Variants in ARR3 observed in about 807,000 individuals in gnomAD.
ARR3 encodes arrestin-C.
In ARR3, 14 loss-of-function variants were observed where a neutral mutation model predicts 35.4. The observed-to-expected ratio is 0.40, with a 90% confidence interval of 0.26 to 0.62. The LOEUF (loss-of-function observed/expected upper bound fraction) is 0.62. ARR3 is among the 20% of genes least tolerant of loss of function. ARR3 has a pLI of 0.46. For synonymous variants in ARR3, 97 were observed against 119.1 expected, an observed-to-expected ratio of 0.81 and a Z score of 1.21; for missense variants, 259 against 303.8, an observed-to-expected ratio of 0.85 and a Z score of 1.10.
At position 70,272,808 on chromosome X, in the gene ARR3, T is replaced by C. The variant is rs74834560; in HGVS notation, c.145+2664T>C. 3.5e-4 allele frequency among the ~76,000 whole-genome samples: 40 copies of C among 112,745 alleles called. No individual in the cohort carries two copies. The East Asian group carries it at 0.011, about 30-fold the overall frequency. ...ATATCTTTTGAATATAGGTTCATTT[T>C]TCTCATTCTCAATTTTAAAAGCAAA... On this transcript the variant is annotated intron_variant, in intron 5 of 16. Transcript: ENST00000307959.
intron 5 of ARR3, among the ~76,000 whole-genome samples, chrX:70,275,739 G>A (rs868669252): frequency 3.3e-5 from 3 of 91,394 alleles, no homozygotes; most frequent in Non-Finnish European, 6.2e-5. Context: ...ACACGATCTC[G>A]GCTCACTGCA....
intron 12 of ARR3, among the ~76,000 whole-genome samples, chrX:70,279,655 G>A (rs980418871): frequency 3.6e-5 from 4 of 112,590 alleles, no homozygotes; most frequent in African/African-American, 6.5e-5. Context: ...GTTAGTACAC[G>A]TGGTTCAGAG....
At chrX:70,269,745 G>C in intron 3 of ARR3, 53 bp downstream of exon 3, 1 of 1,194,648 alleles carries the variant, frequency 8.4e-7, no homozygotes, top group East Asian at 3.0e-5. Flanking sequence ...GGATAGGTGG[G>C]TACATCCTTC....
At chrX:70,268,582 C>A (rs1324866400) in intron 1 of ARR3, among the ~76,000 whole-genome samples, 2 of 111,700 alleles carry the variant, frequency 1.8e-5, no homozygotes, top group East Asian at 2.8e-4. Flanking sequence ...AAGGAAAGCA[C>A]TAGAGAGACA....
intron 1 of ARR3, among the ~76,000 whole-genome samples, 193 bp from the exon 2 acceptor site, chrX:70,269,163 C>T (rs72628866): frequency 0.027 from 2,960 of 111,188 alleles, 28 homozygotes; most frequent in East Asian, 0.054. Flanking sequence ...TCCCCTCTTG[C>T]CCAAGATGGG....
At chrX:70,270,244 C>A in intron 5 of ARR3, 100 bp downstream of exon 5, 1 of 909,330 alleles carries the variant, frequency 1.1e-6, no homozygotes, top group Non-Finnish European at 1.6e-6. Flanking sequence ...GCAGGAACTG[C>A]GAATGCCTTC....
chrX:70,277,468 C>A lies in ARR3; in HGVS notation c.548C>A (p.Thr183Asn). 8.3e-7 allele frequency: 1 copy of A among 1,211,501 alleles called. No individual in the cohort carries two copies. The highest frequency in any genetic ancestry group is 1.1e-6 in the Non-Finnish European group (1 of 895,358). The change falls in exon 9 of 17, where the codon ACC (threonine) becomes AAC (asparagine). Residue 183 changes from threonine to asparagine, a missense_variant. Thr to Asn is a moderately conservative substitution (Grantham distance 65). Coordinates refer to ENST00000307959, the MANE Select transcript of ARR3 (RefSeq NM_004312.3). ...PEAGPGPSAQTIRRFLLSAQP... is the reference protein window; with the variant it reads ...PEAGPGPSAQNIRRFLLSAQP... ...GCAGGCCCTGGCCCCTCAGCCCAGA[C>A]CATCCGCCGCTTCCTTCTGTCAGCT...
chrX:70,281,075 C>T (rs756139602), intron 15 of ARR3, 24 bp from the exon 16 acceptor site: 11 of 1,208,785 alleles, frequency 9.1e-6, no homozygotes, highest in Non-Finnish European at 1.2e-5. Flanking sequence ...CCATTTTTTC[C>T]CTCCGTCTCC....
chrX:70,275,980 C>A, intron 5 of ARR3, 102 bp from the exon 6 acceptor site: 1 of 963,473 alleles, frequency 1.0e-6, no homozygotes, highest in Non-Finnish European at 1.4e-6. Flanking sequence ...CCCAGCCAGC[C>A]TTCGATCATA....
intron 11 of ARR3, 116 bp from the exon 12 acceptor site, chrX:70,278,388 C>T (rs1469174239): frequency 1.1e-6 from 1 of 930,225 alleles, no homozygotes; most frequent in Non-Finnish European, 1.5e-6. Flanking sequence ...AACATGTTAC[C>T]TCTCTTGGAT....
chrX:70,278,280 G>T (rs1337765075), intron 11 of ARR3, 142 bp downstream of exon 11: 3 of 673,898 alleles, frequency 4.5e-6, no homozygotes, highest in Non-Finnish European at 6.7e-6. Flanking sequence ...CTAGATGGAG[G>T]GGATGCAACT....
Position 70,276,651 on chromosome X carries a change from G to A in ARR3, c.406-18G>A, listed in dbSNP as rs1367148298. On this transcript the variant is annotated intron_variant, in intron 7 of 16. Transcript: ENST00000307959. ...ACAGCACTGGAAATGAGCTCTCTTT[G>A]CCCTTGTCCCTTTACAGCCCTGTGG... 3 of 1,209,679 alleles carry A rather than the reference G, an allele frequency of 2.5e-6. No homozygotes were observed. The Admixed American group carries it at 6.5e-5, about 26-fold the overall frequency.
In ARR3 at chrX:70,277,544, C is replaced by T. The variant is rs759496796; in HGVS notation, c.609+15C>T. ...TGGACAGGGAGGTTTGTGACCCCCA[C>T]TTTTTGCCTCCCACCCCAGAACCCC... On this transcript the variant is annotated intron_variant, in intron 9 of 16. Coordinates refer to ENST00000307959, the MANE Select transcript of ARR3 (RefSeq NM_004312.3). The T allele has an allele frequency of 6.6e-6, 8 of 1,203,857 alleles. No homozygotes were observed. The Middle Eastern group carries it at 9.3e-4, about 140-fold the overall frequency.
intron 9 of ARR3, 91 bp from the exon 10 acceptor site, chrX:70,277,625 G>A (rs2085659282): frequency 8.5e-7 from 1 of 1,170,346 alleles, no homozygotes; most frequent in Non-Finnish European, 1.2e-6. Context: ...TGGGAGCCAG[G>A]GTGGCAATAG....
chrX:70,273,468 C>T lies in ARR3; in HGVS notation c.146-2614C>T, dbSNP rs766982176. Among the ~76,000 whole-genome samples the T allele has an allele frequency of 2.8e-3, 313 of 111,403 alleles. 1 individual carries two copies. The highest frequency in any genetic ancestry group is 9.8e-3 in the African/African-American group (299 of 30,630). ...AACTCCTGACCTCAGCCTATCCACC[C>T]GCCTGGGCCTCCCAAAGTGCTGGGA... On this transcript the variant is annotated intron_variant, in intron 5 of 16. Transcript: ENST00000307959.
rs376167719 is a variant in ARR3, at chrX:70,277,775, G to A, written c.669G>A (p.Lys223=). 1.7e-6 allele frequency: 2 copies of A among 1,207,589 alleles called. No individual in the cohort carries two copies. Among genetic ancestry groups the A allele is most frequent in the African/African-American group, 3.5e-5 (2 of 56,956 alleles). Reference sequence around the variant, plus strand: ...TTTCTATCAACAACTGCACCAACAAGGTCATCAAAAAAATCAAGATTTCAG... The same window carrying A: ...TTTCTATCAACAACTGCACCAACAAAGTCATCAAAAAAATCAAGATTTCAG... ...VNVSINNCTN[K]VIKKIKISVD... The change falls in exon 10 of 17, where the codon AAG becomes AAA. Residue 223 remains lysine (K), a synonymous_variant. Coordinates refer to ENST00000307959, the MANE Select transcript of ARR3 (RefSeq NM_004312.3).
rs1379872935 is a variant in ARR3 at position 70,278,718 on chromosome X, T to C, written c.905+77T>C. On this transcript the variant is annotated intron_variant, in intron 12 of 16. Coordinates refer to ENST00000307959, the MANE Select transcript of ARR3 (RefSeq NM_004312.3). ...ACATGCTACATTTACAGCTCTGAGG[T>C]TTCATGTTCAGTAAAGCCTACCTGT... 4 of 1,125,894 alleles carry C rather than the reference T, an allele frequency of 3.6e-6. No homozygotes were observed. The African/African-American group carries it at 7.3e-5, about 20-fold the overall frequency. 92.8% of individuals were successfully genotyped at this position (1,125,894 alleles called of 1,213,427 possible).
At chrX:70,274,049 G>C (rs1167009703) in intron 5 of ARR3, among the ~76,000 whole-genome samples, 1 of 109,403 alleles carries the variant, frequency 9.1e-6, no homozygotes, top group Non-Finnish European at 1.9e-5. Context: ...CCTGAATTTG[G>C]TGTTTATTAT....
At chrX:70,280,735 G>A (rs1456831486) in intron 14 of ARR3, 31 bp from the exon 15 acceptor site, 1 of 1,210,612 alleles carries the variant, frequency 8.3e-7, no homozygotes, top group Non-Finnish European at 1.1e-6. Flanking sequence ...GTAGAGAGAG[G>A]AGATGTAACT....
Sources: allele counts gnomAD v4.1 joint callset (sites outside exome capture counted in the v4.1 genomes callset), GRCh38; gene constraint gnomAD v4.1.1; transcripts MANE v1.5; gene names NCBI Gene and HGNC (gene_info 2026-07-23, HGNC 2026-07-21).